SMC4: variants seen among roughly 807,000 people sequenced by gnomAD.
SMC4 encodes the protein structural maintenance of chromosomes protein 4.
Under a neutral mutation model 145.6 loss-of-function variants are expected in SMC4, and 87 were observed. The ratio of observed to expected loss-of-function variants is 0.60; its 90% confidence interval spans 0.50 to 0.71. The LOEUF is 0.71. SMC4 is among the 30% of genes least tolerant of loss of function. SMC4 has a pLI of 0.00. For missense variants in SMC4, 1,447 were observed against 1,537.1 expected (o/e 0.94, Z 0.98); for synonymous variants, 558 against 500.7 (o/e 1.11, Z -1.53).
chr3:160,433,930 T>C lies in SMC4; in HGVS notation c.*121T>C, dbSNP rs527991155. 1 of 651,774 alleles carries C rather than the reference T, an allele frequency of 1.5e-6. No individual in the cohort carries two copies. The highest frequency in any genetic ancestry group is 2.6e-6 in the Non-Finnish European group (1 of 390,614). 40.4% of individuals were successfully genotyped at this position (651,774 alleles called of 1,614,324 possible). ...AACTAGATCATGAAACTGGTTTCTGTTTTATGCAGTTGTCATTTGTAAAGT... is the reference window on the plus strand; with the variant it reads ...AACTAGATCATGAAACTGGTTTCTGCTTTATGCAGTTGTCATTTGTAAAGT... On this transcript the variant is annotated 3_prime_UTR_variant, in exon 24 of 24. Transcript: ENST00000357388.
chr3:160,421,980 T>G (rs770574293), intron 13 of SMC4, among the ~76,000 whole-genome samples: 23 of 152,346 alleles, frequency 1.5e-4, no homozygotes, highest in Admixed American at 6.5e-4. Context: ...TATGGCCTTT[T>G]TATACAGCTA....
intron 17 of SMC4, 152 bp from the exon 18 acceptor site, chr3:160,428,601 A>G (rs1022047254): frequency 3.2e-6 from 2 of 623,206 alleles, no homozygotes; most frequent in Non-Finnish European, 5.4e-6. Context: ...GATACAGGAT[A>G]TCGTTTTTTT....
chr3:160,401,154 C>T (rs966547605), intron 2 of SMC4, among the ~76,000 whole-genome samples, 189 bp downstream of exon 2: 12 of 152,048 alleles, frequency 7.9e-5, no homozygotes, highest in African/African-American at 2.7e-4. Flanking sequence ...TTTGGTGTAA[C>T]GGCGCTGGAA....
intron 7 of SMC4, 106 bp from the exon 8 acceptor site, chr3:160,413,367 A>G (rs1716229161): frequency 9.2e-7 from 1 of 1,085,216 alleles, no homozygotes; most frequent in Non-Finnish European, 1.3e-6. Flanking sequence ...TATATTGACT[A>G]GTTAATAATA....
chr3:160,413,646 T>C, intron 8 of SMC4, 33 bp downstream of exon 8: 5 of 1,134,724 alleles, frequency 4.4e-6, no homozygotes, highest in Non-Finnish European at 6.2e-6. Context: ...TAAAAGTATT[T>C]AGATAATTGT....
chr3:160,425,019 G>GGTCTGTGTGTGT lies in SMC4; in HGVS notation c.2478+2_2478+3insCTGTGTGTGTGT. On this transcript the variant is annotated inframe_insertion and splice_region_variant. Transcript: ENST00000357388. ...TAGAAAAATTTACTGCAAGCATCCAGGTATGTGTGTGTGTGTGTGTGTGTG... is the reference window on the plus strand; with the variant it reads ...TAGAAAAATTTACTGCAAGCATCCAGGTCTGTGTGTGTGTATGTGTGTGTGTGTGTGTGTGTG... The GGTCTGTGTGTGT allele has an allele frequency of 1.6e-6, 2 of 1,227,008 alleles. No homozygotes were observed. Among genetic ancestry groups the GGTCTGTGTGTGT allele is most frequent in the Non-Finnish European group, 2.2e-6 (2 of 904,464 alleles). 76.0% of individuals were successfully genotyped at this position (1,227,008 alleles called of 1,614,324 possible). A position where few individuals can be genotyped will look rare whatever the true frequency, so the allele number is the denominator to read the frequency against.
chr3:160,400,724 G>C (rs1714496288), intron 1 of SMC4, 98 bp from the exon 2 acceptor site: 2 of 1,355,516 alleles, frequency 1.5e-6, no homozygotes, highest in Non-Finnish European at 1.9e-6. Context: ...TGTTAAGCGG[G>C]GCTCTCGGAA....
In SMC4 at chr3:160,414,522, G is replaced by T. The variant is rs777848908; in HGVS notation, c.1272+5G>T. On this transcript the variant is annotated splice_donor_5th_base_variant and intron_variant, in intron 9 of 23. Coordinates refer to ENST00000357388, the MANE Select transcript of SMC4 (RefSeq NM_001002800.3). ...CTTCAAAAAGATAAAGAAAAGGTAG[G>T]TGTTAGAAAAAAATTCTTAAAATTT... 6.2e-7 allele frequency: 1 copy of T among 1,609,160 alleles called. No homozygotes were observed. Among genetic ancestry groups the T allele is most frequent in the South Asian group, 1.1e-5 (1 of 90,466 alleles).
chr3:160,420,784 A>T lies in SMC4; in HGVS notation c.1902A>T (p.Ser634=). ...ATGAAAAATACGACGTGGCTATATC[A>T]TCCTGTTGTCATGCACTGGACTACA... The part of the protein sequence containing the change: ...AIDEKYDVAI[S]SCCHALDYIV... The change falls in exon 13 of 24, where the codon TCA becomes TCT. Residue 634 remains serine, a synonymous_variant. Transcript: ENST00000357388. The T allele has an allele frequency of 1.9e-6, 3 of 1,613,990 alleles. No homozygotes were observed. Among genetic ancestry groups the T allele is most frequent in the Non-Finnish European group, 2.5e-6 (3 of 1,179,980 alleles).
chr3:160,420,573 T>G, intron 12 of SMC4, 167 bp from the exon 13 acceptor site: 1 of 548,314 alleles, frequency 1.8e-6, no homozygotes, highest in East Asian at 3.5e-5. Context: ...AAGCTGCATA[T>G]TCATAAACTT....
At chr3:160,428,479 G>T (rs931322876) in intron 17 of SMC4, among the ~76,000 whole-genome samples, 1 of 152,144 alleles carries the variant, frequency 6.6e-6, no homozygotes, top group African/African-American at 2.4e-5. Flanking sequence ...CTAAGAAAAA[G>T]TTGTAAAGAT....
chr3:160,416,698 C>T, intron 10 of SMC4: 1 of 179,084 alleles, frequency 5.6e-6, no homozygotes. Context: ...CGTGTTGAAT[C>T]ATCATATTTT....
At chr3:160,415,286 G>T (rs1204235284) in intron 9 of SMC4, among the ~76,000 whole-genome samples, 2 of 152,232 alleles carry the variant, frequency 1.3e-5, no homozygotes, top group Non-Finnish European at 2.9e-5. Context: ...GCGGCAGGAT[G>T]CCTTGAGTTC....
In SMC4 at chr3:160,417,825, A is replaced by G; in HGVS notation, c.1540A>G (p.Asn514Asp). 2 of 1,613,734 alleles carry G rather than the reference A, an allele frequency of 1.2e-6. No individual in the cohort carries two copies. Among genetic ancestry groups the G allele is most frequent in the Non-Finnish European group, 8.5e-7 (1 of 1,179,788 alleles). The part of the protein sequence containing the change: ...SELDIYLSRH[N>D]TAVSQLTKAK... ...ACTTGATATCTATCTCAGTCGTCATAATACTGCAGTGTCTCAATTAACTAA... is the reference window on the plus strand; with the variant it reads ...ACTTGATATCTATCTCAGTCGTCATGATACTGCAGTGTCTCAATTAACTAA... Residue 514 changes from asparagine to aspartate, a missense_variant, in exon 11 of 24, where the codon AAT (asparagine) becomes GAT (aspartate). Physicochemically the swap from Asn to Asp is conservative, Grantham distance 23 (BLOSUM62 1). Transcript: ENST00000357388.
chr3:160,403,672 A>G (rs1198697708), intron 4 of SMC4, among the ~76,000 whole-genome samples: 1 of 152,110 alleles, frequency 6.6e-6, no homozygotes, highest in East Asian at 1.9e-4. Flanking sequence ...CCAGGAAATC[A>G]GATTTTATTC....
intron 16 of SMC4, among the ~76,000 whole-genome samples, chr3:160,425,352 GTTTT>G (rs1346395422): frequency 1.3e-5 from 2 of 151,744 alleles, no homozygotes; most frequent in East Asian, 3.9e-4. Context: ...CACGCCCACT[GTTTT>G]TTTAATAAGT....
At position 160,402,063 on chromosome 3, in the gene SMC4, T is replaced by C. The variant is rs1185810456; in HGVS notation, c.288T>C (p.Ala96=). The C allele has an allele frequency of 6.4e-7, 1 of 1,554,570 alleles. No homozygotes were observed. Among genetic ancestry groups the C allele is most frequent in the East Asian group, 2.4e-5 (1 of 41,252 alleles). The change falls in exon 3 of 24, where the codon GCT becomes GCC. Residue 96 remains alanine (A), a synonymous_variant. Transcript: ENST00000357388. ...HIVNQNFKSY[A]GEKILGPFHK... ...TAAACCAGAACTTCAAATCCTATGC[T>C]GGGGAGAAAATTCTGGGACCTTTCC... is the stretch of plus-strand genomic sequence containing the variant.
intron 23 of SMC4, 196 bp downstream of exon 23, chr3:160,433,405 A>G (rs1718632410): frequency 5.5e-6 from 3 of 544,906 alleles, no homozygotes; most frequent in Non-Finnish European, 9.5e-6. Context: ...GGAGTAAAAT[A>G]TAAATTAAAA....
intron 17 of SMC4, among the ~76,000 whole-genome samples, chr3:160,427,551 A>G (rs1307087179): frequency 2.0e-5 from 3 of 152,296 alleles, no homozygotes; most frequent in South Asian, 2.1e-4. Flanking sequence ...AGAGACTGCA[A>G]GAGTCTATAT....
Sources: gnomAD v4.1 joint callset for allele counts (sites outside exome capture counted in the v4.1 genomes callset) on GRCh38, gnomAD v4.1.1 for gene constraint, MANE v1.5 for transcripts, NCBI Gene and HGNC (gene_info 2026-07-23, HGNC 2026-07-21) for gene names.